The following TTC23 variants were observed in gnomAD, a reference collection of about 807,000 sequenced individuals.
TTC23 encodes tetratricopeptide repeat protein 23.
In TTC23, 58 loss-of-function variants were observed where a neutral mutation model predicts 55.1. The ratio of observed to expected loss-of-function variants is 1.05; its 90% confidence interval spans 0.85 to 1.31. The LOEUF (loss-of-function observed/expected upper bound fraction) is 1.31. Among genes scored for constraint, TTC23 ranks in the 50% most tolerant of loss-of-function variants. The pLI is 0.00. For synonymous variants in TTC23, 203 were observed against 199.9 expected (o/e 1.02, Z -0.13); for missense variants, 516 against 534.4 (o/e 0.97, Z 0.34).
intron 8 of TTC23, among the ~76,000 whole-genome samples, chr15:99,205,934 T>C (rs1390152587): frequency 1.3e-5 from 2 of 152,224 alleles, no homozygotes; most frequent in Admixed American, 1.3e-4. Context: ...TGTATGATAC[T>C]AGCTGTGGGT....
At chr15:99,193,691 C>CT (rs879490650) in intron 9 of TTC23, among the ~76,000 whole-genome samples, 16 of 151,282 alleles carry the variant, frequency 1.1e-4, no homozygotes, top group African/African-American at 2.4e-4. Context: ...GTAGCGAGAC[C>CT]TTTTTTTTTG....
intron 12 of TTC23, among the ~76,000 whole-genome samples, chr15:99,142,093 C>G (rs1555490673): frequency 6.6e-6 from 1 of 152,114 alleles, no homozygotes; most frequent in Non-Finnish European, 1.5e-5. Context: ...TGTTGCGACC[C>G]TAGAAATTTA....
chr15:99,146,173 C>A (rs1253448790), intron 12 of TTC23, among the ~76,000 whole-genome samples: 2 of 152,224 alleles, frequency 1.3e-5, no homozygotes, highest in African/African-American at 2.4e-5. Context: ...AATGCATTGG[C>A]AGGACTTGCT....
chr15:99,227,397 T>C (rs1185060221), intron 5 of TTC23, among the ~76,000 whole-genome samples: 5 of 152,200 alleles, frequency 3.3e-5, no homozygotes, highest in Admixed American at 2.6e-4. Context: ...ATTTCTATTG[T>C]CTCTGCCACA....
intron 12 of TTC23, among the ~76,000 whole-genome samples, chr15:99,142,089 G>A (rs1555490671): frequency 2.0e-5 from 3 of 152,062 alleles, no homozygotes; most frequent in African/African-American, 4.8e-5. Context: ...AGGCTGTTGC[G>A]ACCCTAGAAA....
chr15:99,156,811 C>T (rs948733465), intron 11 of TTC23, among the ~76,000 whole-genome samples: 5 of 152,046 alleles, frequency 3.3e-5, no homozygotes, highest in South Asian at 2.1e-4. Context: ...GGAAACAACA[C>T]GAATGTGAGG....
chr15:99,207,891 C>A lies in TTC23; in HGVS notation c.582-7795G>T, dbSNP rs140079150. ...GGTGGACACATAAATTGTTAGAAAG[C>A]GTTTGGTAAATCCAGTAAAATTGAA... On this transcript the variant is annotated intron_variant, in intron 8 of 13. Coordinates refer to ENST00000394132, the MANE Select transcript of TTC23 (RefSeq NM_001288615.3). Among the ~76,000 whole-genome samples the A allele has an allele frequency of 2.0e-4, 30 of 152,200 alleles. No individual in the cohort carries two copies. In the East Asian group the frequency reaches 5.6e-3, roughly 28 times the overall value.
intron 4 of TTC23, among the ~76,000 whole-genome samples, chr15:99,230,648 AGAT>A (rs1357884288): frequency 6.6e-6 from 1 of 152,194 alleles, no homozygotes; most frequent in Non-Finnish European, 1.5e-5. Context: ...ATAAAGATAA[AGAT>A]GATAACAGAT....
chr15:99,137,855 G>A lies in TTC23; in HGVS notation c.*155C>T. On this transcript the variant is annotated 3_prime_UTR_variant, in exon 14 of 14. Coordinates refer to ENST00000394132, the MANE Select transcript of TTC23 (RefSeq NM_001288615.3). ...CACTGTCAAAATGTGGCCCACGGGA[G>A]GCTTATGGTCTCACTGTTGCATGTT... 2 of 1,213,326 alleles carry A rather than the reference G, an allele frequency of 1.6e-6. No homozygotes were observed. The highest frequency in any genetic ancestry group is 2.3e-6 in the Non-Finnish European group (2 of 878,664). The allele number at this position is 1,213,326 out of a possible 1,614,324, so 75.2% of individuals were successfully genotyped here. A position where few individuals can be genotyped will look rare whatever the true frequency, so the allele number is the denominator to read the frequency against.
chr15:99,151,982 T>C (rs1195984356), intron 12 of TTC23, among the ~76,000 whole-genome samples: 1 of 152,094 alleles, frequency 6.6e-6, no homozygotes, highest in Non-Finnish European at 1.5e-5. Context: ...AGTGATATAG[T>C]TTGTATATTT....
intron 12 of TTC23, among the ~76,000 whole-genome samples, chr15:99,149,965 G>C (rs886313846): frequency 2.0e-5 from 3 of 152,214 alleles, no homozygotes; most frequent in African/African-American, 7.2e-5. Context: ...CCCCTGCCTG[G>C]GGTGCAGTGG....
At chr15:99,214,563 C>A (rs2077305005) in intron 8 of TTC23, among the ~76,000 whole-genome samples, 1 of 147,736 alleles carries the variant, frequency 6.8e-6, no homozygotes, top group Admixed American at 6.7e-5. Flanking sequence ...GTAGCTAGGA[C>A]TATAGGTGAG....
In TTC23 at chr15:99,137,771, G is replaced by C. The variant is rs917753895; in HGVS notation, c.*239C>G. The C allele has an allele frequency of 1.7e-6, 1 of 574,638 alleles. No individual in the cohort carries two copies. The highest frequency in any genetic ancestry group is 2.9e-6 in the Non-Finnish European group (1 of 345,492). The allele number at this position is 574,638 out of a possible 1,614,324, so 35.6% of individuals were successfully genotyped here. A position where few individuals can be genotyped will look rare whatever the true frequency, so the allele number is the denominator to read the frequency against. The stretch of plus-strand genomic sequence containing the variant: ...GATGGGTAAAAATTCTTGTTGGCAA[G>C]AAAAACCACTTAGGTGATAGAAAAC... On this transcript the variant is annotated 3_prime_UTR_variant, in exon 14 of 14. Coordinates refer to ENST00000394132, the MANE Select transcript of TTC23 (RefSeq NM_001288615.3).
intron 11 of TTC23, chr15:99,157,891 T>C (rs942288676): frequency 2.6e-5 from 4 of 152,218 alleles, no homozygotes; most frequent in African/African-American, 9.6e-5. Context: ...AGGCACGACA[T>C]CAGCTGCAGA....
At chr15:99,150,442 T>G (rs1438274044) in intron 12 of TTC23, among the ~76,000 whole-genome samples, 1 of 152,248 alleles carries the variant, frequency 6.6e-6, no homozygotes, top group Non-Finnish European at 1.5e-5. Flanking sequence ...GTAAATATTG[T>G]AGACGTAATA....
intron 5 of TTC23, among the ~76,000 whole-genome samples, chr15:99,227,502 C>T (rs1385822903): frequency 6.6e-6 from 1 of 152,186 alleles, no homozygotes; most frequent in African/African-American, 2.4e-5. Flanking sequence ...TTTGTCCATA[C>T]CCTTCACAGC....
intron 8 of TTC23, among the ~76,000 whole-genome samples, chr15:99,209,960 T>C (rs2076914016): frequency 6.6e-6 from 1 of 152,182 alleles, no homozygotes; most frequent in African/African-American, 2.4e-5. Flanking sequence ...TTTTGCCATG[T>C]TGCCCAAGCT....
chr15:99,209,219 CT>C (rs2076852731), intron 8 of TTC23, among the ~76,000 whole-genome samples: 1 of 152,098 alleles, frequency 6.6e-6, no homozygotes, highest in Admixed American at 6.5e-5. Flanking sequence ...ACAGAGTTTC[CT>C]TTTAAAAACT....
chr15:99,178,300 C>T (rs1004919793), intron 9 of TTC23, among the ~76,000 whole-genome samples: 1 of 152,148 alleles, frequency 6.6e-6, no homozygotes, highest in African/African-American at 2.4e-5. Flanking sequence ...ATTTATTATT[C>T]ATTATTCACT....
Sources: allele counts gnomAD v4.1 joint callset (sites outside exome capture counted in the v4.1 genomes callset), GRCh38; gene constraint gnomAD v4.1.1; transcripts MANE v1.5; gene names NCBI Gene and HGNC (gene_info 2026-07-23, HGNC 2026-07-21).